LMO7: variants seen among roughly 807,000 people sequenced by gnomAD.
LMO7 encodes LIM domain only protein 7.
A neutral mutation model predicts 206.5 loss-of-function variants in LMO7; 120 were observed. The ratio of observed to expected loss-of-function variants is 0.58; its 90% CI spans 0.50 to 0.68. The LOEUF is 0.68. LMO7 is among the 30% of genes least tolerant of loss of function. The probability of loss-of-function intolerance (pLI) is 0.00; values close to 1 mark genes in which losing one functional copy is unlikely to be tolerated. For missense variants in LMO7, 1,959 were observed against 1,957.9 expected (o/e 1.00, Z -0.01); for synonymous variants, 706 against 681.5 (o/e 1.04, Z -0.56).
chr13:75,844,478 C>A (rs964399081), intron 25 of LMO7, among the ~76,000 whole-genome samples: 7 of 151,046 alleles, frequency 4.6e-5, no homozygotes, highest in African/African-American at 1.5e-4. Context: ...GGGGTGATCT[C>A]AGCTCACTGC....
At chr13:75,672,628 G>T (rs1289169613) in intron 1 of LMO7, among the ~76,000 whole-genome samples, 11 of 152,124 alleles carry the variant, frequency 7.2e-5, no homozygotes. Flanking sequence ...CATGTGTGCG[G>T]TTCCAACAGT....
intron 1 of LMO7, among the ~76,000 whole-genome samples, chr13:75,702,625 G>A (rs184851282): frequency 5.9e-5 from 9 of 152,312 alleles, no homozygotes; most frequent in African/African-American, 1.9e-4. Flanking sequence ...TACAATATAA[G>A]TTTACCAAGA....
chr13:75,856,944 T>C (rs1774281233), intron 30 of LMO7: 1 of 166,852 alleles, frequency 6.0e-6, no homozygotes, highest in Non-Finnish European at 1.3e-5. Context: ...GAATCTTCTA[T>C]GTAGGATTTG....
intron 3 of LMO7, among the ~76,000 whole-genome samples, chr13:75,753,101 TTCTG>T (rs1373273210): frequency 4.6e-5 from 7 of 152,244 alleles, no homozygotes; most frequent in African/African-American, 1.2e-4. Context: ...ATCTGTCATT[TTCTG>T]TCTTTTTAAT....
At position 75,681,737 on chromosome 13, in the gene LMO7, T is replaced by TAC. The variant is rs1166773120; in HGVS notation, c.70-31444_70-31443insCA. On this transcript the variant is annotated intron_variant, in intron 1 of 30. Transcript: ENST00000377534. ...ATATATGTATATATATATATATATA[T>TAC]ATATATATATATGGAATCTTATTAT... 7.6e-5 allele frequency among the ~76,000 whole-genome samples: 10 copies of TAC among 130,848 alleles called. 1 individual carries two copies. Among genetic ancestry groups the TAC allele is most frequent in the African/African-American group, 1.9e-4 (6 of 32,030 alleles). The allele number at this position is 130,848 out of a possible 152,430, so 85.8% of individuals were successfully genotyped here.
chr13:75,846,640 T>G (rs1457564261), intron 26 of LMO7, among the ~76,000 whole-genome samples: 1 of 152,200 alleles, frequency 6.6e-6, no homozygotes, highest in Non-Finnish European at 1.5e-5. Context: ...TCCGGAATAA[T>G]CTTGTTAATA....
chr13:75,760,632 A>G (rs762345713), intron 3 of LMO7: 4 of 1,457,136 alleles, frequency 2.7e-6, no homozygotes, highest in Non-Finnish European at 3.6e-6. Flanking sequence ...AGTGTAGATT[A>G]CTGCTCAGTG....
intron 1 of LMO7, among the ~76,000 whole-genome samples, chr13:75,702,331 T>A (rs553344376): frequency 6.6e-6 from 1 of 152,242 alleles, no homozygotes; most frequent in South Asian, 2.1e-4. Flanking sequence ...CCCCAGCCAC[T>A]CTGAGATGAA....
chr13:75,786,952 C>A (rs2052541008), intron 4 of LMO7, among the ~76,000 whole-genome samples: 1 of 152,146 alleles, frequency 6.6e-6, no homozygotes, highest in Non-Finnish European at 1.5e-5. Context: ...GTTTAAAAAT[C>A]TTAAGGACAT....
At chr13:75,678,298 C>G (rs2040197285) in intron 1 of LMO7, among the ~76,000 whole-genome samples, 1 of 152,212 alleles carries the variant, frequency 6.6e-6, no homozygotes, top group African/African-American at 2.4e-5. Context: ...TCCTCTCCAG[C>G]ACCTGTTGTT....
Position 75,857,944 on chromosome 13 carries a change from T to A in LMO7, c.*1T>A, listed in dbSNP as rs750986193. 6.2e-7 allele frequency: 1 copy of A among 1,608,868 alleles called. No individual in the cohort carries two copies. Among genetic ancestry groups the A allele is most frequent in the Non-Finnish European group, 8.5e-7 (1 of 1,177,440 alleles). On this transcript the variant is annotated 3_prime_UTR_variant, in exon 31 of 31. Coordinates refer to ENST00000377534, the MANE Select transcript of LMO7 (RefSeq NM_001306080.2). ...AGCTGGACGGCCAACCGCCATGTGA[T>A]GTAAGCCTCCATACGAAAGCACTGT... is the stretch of plus-strand genomic sequence containing the variant.
At chr13:75,748,526 A>G (rs1449123269) in intron 3 of LMO7, among the ~76,000 whole-genome samples, 1 of 152,240 alleles carries the variant, frequency 6.6e-6, no homozygotes, top group East Asian at 1.9e-4. Flanking sequence ...ATATCGTAAG[A>G]ACTCAGTAAA....
At chr13:75,698,715 T>A (rs2042068807) in intron 1 of LMO7, among the ~76,000 whole-genome samples, 1 of 151,914 alleles carries the variant, frequency 6.6e-6, no homozygotes, top group African/African-American at 2.4e-5. Flanking sequence ...GTGCGAAAGG[T>A]CTTTGTAACT....
chr13:75,620,434 G>A (rs2033260621), exon 1 of LMO7: 1 of 152,220 alleles, frequency 6.6e-6, no homozygotes, highest in Non-Finnish European at 1.5e-5. Flanking sequence ...TAAGAAAACA[G>A]GAAAGAAGTG....
intron 25 of LMO7, among the ~76,000 whole-genome samples, chr13:75,843,806 G>A (rs957673430): frequency 7.9e-5 from 12 of 152,184 alleles, no homozygotes; most frequent in Admixed American, 5.9e-4. Flanking sequence ...TGTGTTTTCA[G>A]AGCTGAAATT....
rs74596180 is a variant in LMO7 at position 75,800,870 on chromosome 13, G to C, written c.649G>C (p.Gly217Arg). 10,993 of 1,613,684 alleles carry C rather than the reference G, an allele frequency of 6.8e-3. 243 individuals are homozygous for C. The African/African-American group carries it at 0.075, about 11-fold the overall frequency. ...CTGCTCCTCTGATATCACGTTGAGA[G>C]GGGGGCGTGAAGGTGTGTTGTGTTT... ...TSCSSDITLR[G>R]GREGFESDTD... is the part of the protein sequence containing the mutation. The change falls in exon 7 of 31, where the codon GGG becomes CGG. Residue 217 changes from glycine to arginine, a missense_variant. Coordinates refer to ENST00000377534, the MANE Select transcript of LMO7 (RefSeq NM_001306080.2).
chr13:75,728,851 C>A (rs1191565951), intron 3 of LMO7, among the ~76,000 whole-genome samples: 2 of 140,812 alleles, frequency 1.4e-5, no homozygotes, highest in Admixed American at 6.9e-5. Flanking sequence ...TATGGCTAGC[C>A]AGTTTTCCCA....
At position 75,835,216 on chromosome 13, in the gene LMO7, G is replaced by C; in HGVS notation, c.3227-17G>C. On this transcript the variant is annotated splice_polypyrimidine_tract_variant and intron_variant, in intron 17 of 30. Coordinates refer to ENST00000377534, the MANE Select transcript of LMO7 (RefSeq NM_001306080.2). ...ATAAAACCCTCAATCTCACCAGTAT[G>C]GCTACCAAAATTATAGGTTCACCTG... is the stretch of plus-strand genomic sequence containing the variant. 1 of 1,612,006 alleles carries C rather than the reference G, an allele frequency of 6.2e-7. No individual in the cohort carries two copies. The highest frequency in any genetic ancestry group is 1.1e-5 in the South Asian group (1 of 90,684).
At chr13:75,737,782 T>TAAAAAAAAAAA (rs71127577) in intron 3 of LMO7, among the ~76,000 whole-genome samples, 1 of 36,336 alleles carries the variant, frequency 2.8e-5, no homozygotes, top group Non-Finnish European at 4.1e-5. Context: ...TAAAATAAAA[T>TAAAAAAAAAAA]AAAAAAAAAA....
Sources: gnomAD v4.1 joint callset for allele counts (sites outside exome capture counted in the v4.1 genomes callset) on GRCh38, gnomAD v4.1.1 for gene constraint, MANE v1.5 for transcripts, NCBI Gene and HGNC (gene_info 2026-07-23, HGNC 2026-07-21) for gene names.